Variants in ATP8A2 observed in about 807,000 individuals in gnomAD.
ATP8A2 encodes phospholipid-transporting ATPase IB.
A neutral mutation model predicts 165.6 loss-of-function variants in ATP8A2; 100 were observed. That is an observed-to-expected ratio of 0.60 (90% CI 0.51 to 0.71). The LOEUF (loss-of-function observed/expected upper bound fraction) is 0.71, where lower values mean the gene tolerates loss of function less well. ATP8A2 is among the 30% of genes least tolerant of loss of function. ATP8A2 has a pLI of 0.00. For synonymous variants in ATP8A2, 543 were observed against 548.8 expected (o/e 0.99, Z 0.15); for missense variants, 1,227 against 1,479.5 (o/e 0.83, Z 2.80).
At chr13:25,617,237 G>C (rs2040849570) in intron 24 of ATP8A2, among the ~76,000 whole-genome samples, 1 of 151,034 alleles carries the variant, frequency 6.6e-6, no homozygotes, top group Admixed American at 6.6e-5. Flanking sequence ...TAATTGTTTT[G>C]ACTATAATCA....
At chr13:25,437,029 A>C (rs976078282) in intron 1 of ATP8A2, among the ~76,000 whole-genome samples, 3 of 152,130 alleles carry the variant, frequency 2.0e-5, no homozygotes, top group Non-Finnish European at 4.4e-5. Flanking sequence ...CACCAGCCTC[A>C]GCTTCCCAAA....
intron 1 of ATP8A2, among the ~76,000 whole-genome samples, chr13:25,392,113 A>C (rs2033269706): frequency 6.6e-6 from 1 of 152,216 alleles, no homozygotes; most frequent in African/African-American, 2.4e-5. Flanking sequence ...CTGACCTCAC[A>C]CGCAGCAATA....
At chr13:25,418,700 G>A (rs1429424444) in intron 1 of ATP8A2, among the ~76,000 whole-genome samples, 1 of 151,666 alleles carries the variant, frequency 6.6e-6, no homozygotes, top group Non-Finnish European at 1.5e-5. Context: ...CTACAGACAA[G>A]GATGATTTTG....
chr13:25,698,536 CT>C (rs1427458253), intron 24 of ATP8A2, among the ~76,000 whole-genome samples: 1 of 151,204 alleles, frequency 6.6e-6, no homozygotes, highest in Non-Finnish European at 1.5e-5. Context: ...GCCCAGCCCA[CT>C]TTTTTTTTAA....
intron 24 of ATP8A2, among the ~76,000 whole-genome samples, chr13:25,604,359 T>G (rs2040463954): frequency 6.6e-6 from 1 of 152,118 alleles, no homozygotes; most frequent in Non-Finnish European, 1.5e-5. Context: ...ATTATGGAGA[T>G]GAATGCTTGA....
At chr13:25,419,309 G>A (rs1330132151) in intron 1 of ATP8A2, among the ~76,000 whole-genome samples, 1 of 152,090 alleles carries the variant, frequency 6.6e-6, no homozygotes, top group Non-Finnish European at 1.5e-5. Flanking sequence ...TACTGATGTT[G>A]CTATTGTAGG....
In ATP8A2 at chr13:25,862,396, T is replaced by A. The variant is rs748911779; in HGVS notation, c.3171T>A (p.Asp1057Glu). Residue 1057 changes from aspartate (D) to glutamate (E), a missense_variant, in exon 33 of 37, where the codon GAT becomes GAA. Asp to Glu is a conservative substitution (Grantham distance 45). Coordinates refer to ENST00000381655, the MANE Select transcript of ATP8A2 (RefSeq NM_016529.6). ...TIWPTIPIAP[D>E]MRGQATMVLS... ...GGCCCACCATTCCCATTGCTCCAGA[T>A]ATGAGAGGACAGGTAAGTACTCCTG... The A allele has an allele frequency of 6.2e-7, 1 of 1,613,288 alleles. No homozygotes were observed. Among genetic ancestry groups the A allele is most frequent in the South Asian group, 1.1e-5 (1 of 91,048 alleles).
intron 33 of ATP8A2, among the ~76,000 whole-genome samples, chr13:25,931,972 A>G (rs1186735975): frequency 6.6e-6 from 1 of 151,130 alleles, no homozygotes; most frequent in Non-Finnish European, 1.5e-5. Flanking sequence ...CACTTGAACC[A>G]GGGAGGTGTA....
intron 25 of ATP8A2, among the ~76,000 whole-genome samples, chr13:25,752,924 C>A (rs1434658793): frequency 6.6e-6 from 1 of 152,132 alleles, no homozygotes; most frequent in Non-Finnish European, 1.5e-5. Context: ...CACCCTCTAG[C>A]GTGTCTTTGA....
intron 25 of ATP8A2, among the ~76,000 whole-genome samples, chr13:25,731,464 C>T (rs9511901): frequency 0.19 from 28,876 of 152,046 alleles, 3,558 homozygotes; most frequent in East Asian, 0.64. Flanking sequence ...AAAATATTGA[C>T]CAATTGAACT....
intron 27 of ATP8A2, among the ~76,000 whole-genome samples, chr13:25,813,581 A>G (rs1381376326): frequency 2.0e-5 from 3 of 152,140 alleles, no homozygotes; most frequent in Admixed American, 1.3e-4. Flanking sequence ...ATGGCCTGTG[A>G]TGAGGCTGTG....
At chr13:25,661,078 TGA>T (rs2042040605) in intron 24 of ATP8A2, among the ~76,000 whole-genome samples, 1 of 152,210 alleles carries the variant, frequency 6.6e-6, no homozygotes, top group Non-Finnish European at 1.5e-5. Context: ...CGTGCGTCTC[TGA>T]GAGACAGAGA....
chr13:25,597,263 C>T (rs1232858353), intron 24 of ATP8A2, among the ~76,000 whole-genome samples: 2 of 152,088 alleles, frequency 1.3e-5, no homozygotes, highest in South Asian at 2.1e-4. Flanking sequence ...CCTAGGCTGG[C>T]CTCCAATAAT....
chr13:25,771,599 A>C (rs527319099), intron 26 of ATP8A2, among the ~76,000 whole-genome samples: 7 of 152,344 alleles, frequency 4.6e-5, no homozygotes, highest in African/African-American at 1.7e-4. Context: ...GTGTCAAAGA[A>C]GGGTGGAGCA....
rs138989808 is a variant in ATP8A2 at position 25,853,635 on chromosome 13, A to G, written c.2957-6560A>G. ...TTCAGCTTAGTCTCCCATGCCTGCT[A>G]ACCCTTTTGTCTGATCAGAGTTTTC... On this transcript the variant is annotated intron_variant, in intron 30 of 36. Coordinates refer to ENST00000381655, the MANE Select transcript of ATP8A2 (RefSeq NM_016529.6). Among the ~76,000 whole-genome samples the G allele has an allele frequency of 2.4e-3, 366 of 152,274 alleles. 3 individuals are homozygous for G. Among genetic ancestry groups the G allele is most frequent in the African/African-American group, 7.7e-3 (322 of 41,570 alleles).
intron 30 of ATP8A2, among the ~76,000 whole-genome samples, chr13:25,851,056 C>G (rs9511945): frequency 0.13 from 20,232 of 152,150 alleles, 1,597 homozygotes; most frequent in Non-Finnish European, 0.18. Flanking sequence ...TGGTTTGGGA[C>G]TTTCTCCTCC....
chr13:25,674,688 G>C (rs754639048), intron 24 of ATP8A2, among the ~76,000 whole-genome samples: 1 of 152,138 alleles, frequency 6.6e-6, no homozygotes, highest in Non-Finnish European at 1.5e-5. Flanking sequence ...GTGTTCCTTG[G>C]CACATTTTCC....
At chr13:25,760,746 T>C (rs970540394) in intron 25 of ATP8A2, among the ~76,000 whole-genome samples, 1 of 152,244 alleles carries the variant, frequency 6.6e-6, no homozygotes, top group Non-Finnish European at 1.5e-5. Context: ...CATATTAACA[T>C]ACATAATATT....
Position 25,403,934 on chromosome 13 carries a change from G to A in ATP8A2, c.76+31646G>A, listed in dbSNP as rs561020268. Among the ~76,000 whole-genome samples, 10 of 152,282 alleles carry A rather than the reference G, an allele frequency of 6.6e-5. No homozygotes were observed. The East Asian group carries it at 1.7e-3, about 26-fold the overall frequency. ...GATAAATCCTAGAAGTATGAAGGAGGGAGGGGGCTGCAGGAAGGGATCCAT... is the reference window on the plus strand; with the variant it reads ...GATAAATCCTAGAAGTATGAAGGAGAGAGGGGGCTGCAGGAAGGGATCCAT... On this transcript the variant is annotated intron_variant, in intron 1 of 36. Coordinates refer to ENST00000381655, the MANE Select transcript of ATP8A2 (RefSeq NM_016529.6).
Sources: gnomAD v4.1 joint callset for allele counts (sites outside exome capture counted in the v4.1 genomes callset) on GRCh38, gnomAD v4.1.1 for gene constraint, MANE v1.5 for transcripts, NCBI Gene and HGNC (gene_info 2026-07-23, HGNC 2026-07-21) for gene names.